Variants in SLC9A9 observed in about 807,000 individuals in gnomAD.
SLC9A9 encodes the protein solute carrier family 9 member A9.
In SLC9A9, 62 loss-of-function variants were observed where a neutral mutation model predicts 77.8. The observed-to-expected ratio is 0.80, with a 90% confidence interval of 0.65 to 0.98. The LOEUF is 0.98. SLC9A9 is among the 50% of genes least tolerant of loss of function. The pLI is 0.00. For missense variants in SLC9A9, 775 were observed against 774.9 expected (o/e 1.00, Z 0.00); for synonymous variants, 320 against 283.5 (o/e 1.13, Z -1.29).
At chr3:143,391,630 G>A (rs573384089) in intron 12 of SLC9A9, among the ~76,000 whole-genome samples, 2 of 152,338 alleles carry the variant, frequency 1.3e-5, no homozygotes, top group South Asian at 2.1e-4. Context: ...AGAGAAGAAG[G>A]CTTCAAACGA....
intron 9 of SLC9A9, among the ~76,000 whole-genome samples, chr3:143,502,437 A>C (rs1451419365): frequency 6.6e-6 from 1 of 152,126 alleles, no homozygotes; most frequent in East Asian, 1.9e-4. Context: ...ATTGGATACT[A>C]TGCTTTTTAT....
Position 143,467,068 on chromosome 3 carries a change from T to C in SLC9A9, c.1438A>G (p.Thr480Ala), listed in dbSNP as rs762829363. The C allele has an allele frequency of 6.2e-7, 1 of 1,614,000 alleles. No individual in the cohort carries two copies. The highest frequency in any genetic ancestry group is 1.7e-5 in the Admixed American group (1 of 59,996). The stretch of plus-strand genomic sequence containing the variant: ...TGAAGCCAAGTCAACATGGGGGTTG[T>C]TCCTCCTCCAAATACCCAGACAGTG... ...FFTVWVFGGG[T>A]TPMLTWLQIR... The change falls in exon 12 of 16, where the codon ACA (threonine) becomes GCA (alanine). Residue 480 changes from threonine to alanine, a missense_variant. Physicochemically the swap from Thr to Ala is moderately conservative, Grantham distance 58. Coordinates refer to ENST00000316549, the MANE Select transcript of SLC9A9 (RefSeq NM_173653.4).
chr3:143,822,972 G>C (rs1430537287), intron 2 of SLC9A9, among the ~76,000 whole-genome samples: 1 of 148,030 alleles, frequency 6.8e-6, no homozygotes, highest in African/African-American at 2.5e-5. Flanking sequence ...AACCATCACA[G>C]AGCACACATA....
intron 11 of SLC9A9, among the ~76,000 whole-genome samples, chr3:143,475,736 A>G (rs113276316): frequency 0.22 from 33,870 of 150,578 alleles, 4,895 homozygotes; most frequent in Non-Finnish European, 0.33. Flanking sequence ...AGCTTGCAGT[A>G]AGCTGAGGTT....
At chr3:143,629,009 CTATT>C (rs1663847266) in intron 6 of SLC9A9, among the ~76,000 whole-genome samples, 1 of 152,148 alleles carries the variant, frequency 6.6e-6, no homozygotes, top group African/African-American at 2.4e-5. Flanking sequence ...CGAAATTTAA[CTATT>C]TAGTCTTTTT....
At chr3:143,474,815 TTTG>T in intron 11 of SLC9A9, among the ~76,000 whole-genome samples, 2 of 93,532 alleles carry the variant, frequency 2.1e-5, no homozygotes, top group Non-Finnish European at 6.7e-5. Flanking sequence ...TTGAACCAGG[TTTG>T]TTCTTGCCTT....
intron 4 of SLC9A9, among the ~76,000 whole-genome samples, chr3:143,731,869 T>C (rs968601970): frequency 1.3e-5 from 2 of 152,212 alleles, no homozygotes; most frequent in African/African-American, 4.8e-5. Context: ...CCTCTATCAC[T>C]CTCCAACTGT....
rs547122907 is a variant in SLC9A9 at position 143,703,925 on chromosome 3, C to G, written c.534-10618G>C. Reference sequence around the variant, plus strand: ...CATTTTAAAGGATCATTAGTCGCTACCCTGAGCAACTATATGGCAATAAAT... The same window carrying G: ...CATTTTAAAGGATCATTAGTCGCTAGCCTGAGCAACTATATGGCAATAAAT... On this transcript the variant is annotated intron_variant, in intron 4 of 15. Transcript: ENST00000316549. Among the ~76,000 whole-genome samples the G allele has an allele frequency of 4.6e-5, 7 of 152,182 alleles. 1 individual carries two copies. Among genetic ancestry groups the G allele is most frequent in the Admixed American group, 4.6e-4 (7 of 15,292 alleles).
chr3:143,434,237 A>G (rs2034579085), intron 12 of SLC9A9, among the ~76,000 whole-genome samples: 1 of 152,206 alleles, frequency 6.6e-6, no homozygotes, highest in Non-Finnish European at 1.5e-5. Context: ...GTCTGCAAAT[A>G]TATTGAAAAT....
At chr3:143,642,932 T>C (rs1341635494) in intron 6 of SLC9A9, among the ~76,000 whole-genome samples, 5 of 152,210 alleles carry the variant, frequency 3.3e-5, no homozygotes, top group Non-Finnish European at 7.3e-5. Flanking sequence ...TTTACCTCTT[T>C]AGTCTCTTTA....
chr3:143,266,156 C>G lies in SLC9A9; in HGVS notation c.*546G>C, dbSNP rs1937706104. Reference sequence around the variant, plus strand: ...AGTGTGGGCTCTGGGAAACCATCAGCAGTGGGTACGGAACACTTCTCTGGG... The same window carrying G: ...AGTGTGGGCTCTGGGAAACCATCAGGAGTGGGTACGGAACACTTCTCTGGG... On this transcript the variant is annotated 3_prime_UTR_variant, in exon 16 of 16. Transcript: ENST00000316549. 1 of 701,390 alleles carries G rather than the reference C, an allele frequency of 1.4e-6. No individual in the cohort carries two copies. Among genetic ancestry groups the G allele is most frequent in the Non-Finnish European group, 2.6e-6 (1 of 384,516 alleles). The allele number at this position is 701,390 out of a possible 1,614,324, so 43.4% of individuals were successfully genotyped here.
At chr3:143,500,535 C>T (rs1364387661) in intron 9 of SLC9A9, among the ~76,000 whole-genome samples, 1 of 151,972 alleles carries the variant, frequency 6.6e-6, no homozygotes, top group Non-Finnish European at 1.5e-5. Context: ...CCTTCAGGTC[C>T]TGGATGTCAT....
At chr3:143,847,856 C>CA (rs2108903341) in intron 1 of SLC9A9, 2 of 452,892 alleles carry the variant, frequency 4.4e-6, no homozygotes, top group African/African-American at 3.9e-5. Flanking sequence ...ATTACAAAAA[C>CA]AAACAGCTCG....
rs183948616 is a variant in SLC9A9, at chr3:143,477,435, G to C, written c.1316-10245C>G. ...GACTCAGGAGGTTCGTGGTAGGTCT[G>C]AGAAGCTGCATTTCTGACAAGCTGC... On this transcript the variant is annotated intron_variant, in intron 11 of 15. Coordinates refer to ENST00000316549, the MANE Select transcript of SLC9A9 (RefSeq NM_173653.4). Among the ~76,000 whole-genome samples the C allele has an allele frequency of 3.2e-3, 458 of 145,054 alleles. 9 individuals carry two copies. In the East Asian group the frequency reaches 0.046, roughly 15 times the overall value.
intron 2 of SLC9A9, among the ~76,000 whole-genome samples, chr3:143,798,040 T>C (rs1366973322): frequency 6.6e-6 from 1 of 152,148 alleles, no homozygotes; most frequent in African/African-American, 2.4e-5. Context: ...CGACCTCTGG[T>C]CCTCAGACTA....
chr3:143,372,746 T>C lies in SLC9A9; in HGVS notation c.1525-9183A>G, dbSNP rs569637204. Among the ~76,000 whole-genome samples, 261 of 152,204 alleles carry C rather than the reference T, an allele frequency of 1.7e-3. 1 individual carries two copies. Among genetic ancestry groups the C allele is most frequent in the Middle Eastern group, 3.4e-3 (1 of 294 alleles). On this transcript the variant is annotated intron_variant, in intron 13 of 15. Coordinates refer to ENST00000316549, the MANE Select transcript of SLC9A9 (RefSeq NM_173653.4). ...CTAGTGTCCAGAATCTATAAGGAAC[T>C]CAAACGGATCAAGAAAAATAACAAA...
chr3:143,606,841 C>T (rs1476150465), intron 6 of SLC9A9, among the ~76,000 whole-genome samples: 1 of 151,982 alleles, frequency 6.6e-6, no homozygotes, highest in Non-Finnish European at 1.5e-5. Flanking sequence ...AATAGTCCAA[C>T]ATATATCTGT....
chr3:143,511,051 C>T (rs2036107869), intron 9 of SLC9A9, among the ~76,000 whole-genome samples: 2 of 152,152 alleles, frequency 1.3e-5, no homozygotes, highest in Admixed American at 1.3e-4. Flanking sequence ...CTTCCATTAG[C>T]CCAGAGAATT....
chr3:143,804,149 C>T (rs1000677317), intron 2 of SLC9A9, among the ~76,000 whole-genome samples: 1 of 152,192 alleles, frequency 6.6e-6, no homozygotes, highest in African/African-American at 2.4e-5. Flanking sequence ...CAAAGCCCAA[C>T]TACACACATC....
Sources: allele counts gnomAD v4.1 joint callset (sites outside exome capture counted in the v4.1 genomes callset), GRCh38; gene constraint gnomAD v4.1.1; transcripts MANE v1.5; gene names NCBI Gene and HGNC (gene_info 2026-07-23, HGNC 2026-07-21).